The following RPA3 variants were observed in gnomAD, a reference collection of about 807,000 sequenced individuals.
The protein encoded by RPA3 is replication protein A3.
Under a neutral mutation model 13.7 loss-of-function variants are expected in RPA3, and 24 were observed. The ratio of observed to expected loss-of-function variants is 1.75; its 90% CI spans 1.27 to 2.46. The LOEUF (loss-of-function observed/expected upper bound fraction) is 2.46, where lower values mean the gene tolerates loss of function less well. RPA3 is among the 30% of genes most tolerant of loss of function. The pLI is 0.00. For synonymous variants in RPA3, 59 were observed against 51.2 expected, an observed-to-expected ratio of 1.15 and a Z score of -0.65; for missense variants, 183 against 151.0, an observed-to-expected ratio of 1.21 and a Z score of -1.11.
chr7:7,716,620 A>G (rs994881955), intron 1 of RPA3, among the ~76,000 whole-genome samples: 1 of 152,250 alleles, frequency 6.6e-6, no homozygotes, highest in Non-Finnish European at 1.5e-5. Context: ...CTGGCCAGGT[A>G]GCAAACCCAT....
At chr7:7,667,368 C>G (rs1048212028) in intron 4 of RPA3, among the ~76,000 whole-genome samples, 1 of 152,188 alleles carries the variant, frequency 6.6e-6, no homozygotes, top group South Asian at 2.1e-4. Flanking sequence ...GGAAGTCCAG[C>G]TGTCAAGGCC....
At chr7:7,682,429 T>G (rs13239455) in intron 4 of RPA3, among the ~76,000 whole-genome samples, 23,698 of 152,176 alleles carry the variant, frequency 0.16, 2,375 homozygotes, top group Middle Eastern at 0.24. Flanking sequence ...TCATTTAAAC[T>G]ATCATATTTT....
intron 6 of RPA3, 38 bp downstream of exon 6, chr7:7,639,032 C>CTA (rs751685440): frequency 3.5e-6 from 5 of 1,447,162 alleles, no homozygotes. Context: ...GAAGAATTAA[C>CTA]TATAATATAT....
At chr7:7,651,927 C>T (rs1421261168) in intron 4 of RPA3, among the ~76,000 whole-genome samples, 1 of 152,142 alleles carries the variant, frequency 6.6e-6, no homozygotes, top group Non-Finnish European at 1.5e-5. Context: ...TGGGCAGTTA[C>T]ACACCATTCA....
At chr7:7,647,867 AGTGCTAGGATTACAGGTGTGAGTCACT>A (rs1207835786) in intron 4 of RPA3, among the ~76,000 whole-genome samples, 5 of 152,188 alleles carry the variant, frequency 3.3e-5, no homozygotes, top group African/African-American at 1.2e-4. Flanking sequence ...GGCCTCTCAG[AGTGCTAGGATTACAGGTGTGAGTCACT>A]GTGCCTGGCT....
chr7:7,685,739 C>G (rs1277951804), intron 4 of RPA3, 91 bp downstream of exon 4: 1 of 152,068 alleles, frequency 6.6e-6, no homozygotes, highest in Non-Finnish European at 1.5e-5. Context: ...TATTCTAAAG[C>G]TTTTTAATAA....
At chr7:7,707,740 GC>G (rs1780642421) in intron 2 of RPA3, among the ~76,000 whole-genome samples, 1 of 152,110 alleles carries the variant, frequency 6.6e-6, no homozygotes, top group South Asian at 2.1e-4. Context: ...TTAAAAATCG[GC>G]CAAGGTATCT....
intron 5 of RPA3, among the ~76,000 whole-genome samples, 187 bp from the exon 6 acceptor site, chr7:7,639,331 TA>T (rs1253193100): frequency 5.8e-4 from 1 of 1,722 alleles, no homozygotes; most frequent in Non-Finnish European, 1.3e-3. Context: ...AACACACAGT[TA>T]ATTTCTGAAT....
chr7:7,672,126 G>A lies in RPA3; in HGVS notation c.-758+13704C>T, dbSNP rs555672481. 4.6e-5 allele frequency among the ~76,000 whole-genome samples: 7 copies of A among 152,182 alleles called. No individual in the cohort carries two copies. In the East Asian group the frequency reaches 1.4e-3, roughly 29 times the overall value. On this transcript the variant is annotated intron_variant, in intron 4 of 7. Coordinates refer to ENST00000223129, the MANE Select transcript of RPA3 (RefSeq NM_002947.5). ...CATTAAATCCTCACCCTCCCTTCTT[G>A]GTTTTCTGCTATGGGTGAAATATAT... is the stretch of plus-strand genomic sequence containing the variant.
intron 2 of RPA3, among the ~76,000 whole-genome samples, chr7:7,714,847 A>C (rs1683122483): frequency 6.9e-6 from 1 of 145,176 alleles, no homozygotes; most frequent in African/African-American, 2.6e-5. Context: ...TTGTTCAAAA[A>C]TTTTTCTTTT....
chr7:7,684,721 A>C (rs943307722), intron 4 of RPA3, among the ~76,000 whole-genome samples: 1 of 152,212 alleles, frequency 6.6e-6, no homozygotes, highest in African/African-American at 2.4e-5. Flanking sequence ...CCATAGTACA[A>C]CTATGAATTT....
chr7:7,682,623 A>C (rs375761583), intron 4 of RPA3, among the ~76,000 whole-genome samples: 83 of 152,292 alleles, frequency 5.5e-4, no homozygotes, highest in African/African-American at 1.9e-3. Flanking sequence ...GGTTTTCAAC[A>C]TGTGCTTCCT....
intron 4 of RPA3, among the ~76,000 whole-genome samples, chr7:7,670,785 C>T (rs1440243889): frequency 1.3e-5 from 2 of 152,204 alleles, no homozygotes; most frequent in Non-Finnish European, 2.9e-5. Context: ...CAAAACCACT[C>T]CCATTTACAA....
At chr7:7,645,675 A>AT (rs1447832074) in intron 4 of RPA3, among the ~76,000 whole-genome samples, 3 of 152,054 alleles carry the variant, frequency 2.0e-5, no homozygotes, top group East Asian at 3.9e-4. Flanking sequence ...GATCAAATGC[A>AT]TTTTTTGCCT....
At chr7:7,647,753 C>G (rs1265940329) in intron 4 of RPA3, among the ~76,000 whole-genome samples, 1 of 152,176 alleles carries the variant, frequency 6.6e-6, no homozygotes, top group Admixed American at 6.5e-5. Flanking sequence ...CGTGCCATCA[C>G]ACCCAGCTAA....
At chr7:7,668,870 C>A (rs1297482209) in intron 4 of RPA3, among the ~76,000 whole-genome samples, 2 of 152,134 alleles carry the variant, frequency 1.3e-5, no homozygotes, top group East Asian at 3.8e-4. Flanking sequence ...TCAGGAGGAA[C>A]CAGCTCTGGA....
intron 2 of RPA3, among the ~76,000 whole-genome samples, chr7:7,701,517 G>T (rs960391436): frequency 1.3e-5 from 2 of 152,172 alleles, no homozygotes; most frequent in African/African-American, 4.8e-5. Flanking sequence ...AATCTGTGCT[G>T]CTTTGTGAAG....
chr7:7,636,813 T>A lies in RPA3; in HGVS notation c.*187A>T, dbSNP rs763001597. The A allele has an allele frequency of 1.5e-4, 84 of 549,722 alleles. No homozygotes were observed. Among genetic ancestry groups the A allele is most frequent in the Non-Finnish European group, 2.3e-4 (72 of 313,140 alleles). 34.1% of individuals were successfully genotyped at this position (549,722 alleles called of 1,614,324 possible). On this transcript the variant is annotated 3_prime_UTR_variant, in exon 8 of 8. Transcript: ENST00000223129. Reference sequence around the variant, plus strand: ...ATCTGACCATATATTGGAGTAGCAATTCTTTATAAAAGGACTTCGGTGAGA... The same window carrying A: ...ATCTGACCATATATTGGAGTAGCAAATCTTTATAAAAGGACTTCGGTGAGA...
At chr7:7,651,989 T>C (rs533592013) in intron 4 of RPA3, among the ~76,000 whole-genome samples, 1 of 152,254 alleles carries the variant, frequency 6.6e-6, no homozygotes, top group African/African-American at 2.4e-5. Flanking sequence ...AGCTGTGACT[T>C]CTGAATGGAA....
Sources: gnomAD v4.1 joint callset for allele counts (sites outside exome capture counted in the v4.1 genomes callset) on GRCh38, gnomAD v4.1.1 for gene constraint, MANE v1.5 for transcripts, NCBI Gene and HGNC (gene_info 2026-07-23, HGNC 2026-07-21) for gene names.